Variants in SLC38A4 observed in about 807,000 individuals in gnomAD.
SLC38A4 encodes the protein sodium-coupled neutral amino acid transporter 4.
SLC38A4 carries 20 observed loss-of-function variants against 63.1 expected under a neutral mutation model. The ratio of observed to expected loss-of-function variants is 0.32; its 90% CI spans 0.22 to 0.46. The LOEUF is 0.46. SLC38A4 is among the 20% of genes least tolerant of loss of function. The pLI, the probability that SLC38A4 is intolerant of heterozygous loss-of-function variation, is 1.00. For missense variants in SLC38A4, 526 were observed against 663.6 expected, an observed-to-expected ratio of 0.79 and a Z score of 2.28; for synonymous variants, 230 against 225.5, an observed-to-expected ratio of 1.02 and a Z score of -0.18.
At chr12:46,812,996 T>A (rs1374513562) in intron 1 of SLC38A4, among the ~76,000 whole-genome samples, 1 of 152,032 alleles carries the variant, frequency 6.6e-6, no homozygotes, top group Non-Finnish European at 1.5e-5. Context: ...TTTTAATCAA[T>A]TAGTCAATTA....
At chr12:46,775,024 T>C in intron 14 of SLC38A4, 25 bp downstream of exon 14, 1 of 1,608,580 alleles carries the variant, frequency 6.2e-7, no homozygotes. Context: ...AGTAGGTTTC[T>C]TTCATCAAAG....
intron 1 of SLC38A4, among the ~76,000 whole-genome samples, chr12:46,817,648 G>C (rs867795114): frequency 4.0e-5 from 6 of 151,836 alleles, no homozygotes; most frequent in Middle Eastern, 3.4e-3. Context: ...TAAGCCTTTG[G>C]ACAAAAGGAT....
intron 14 of SLC38A4, 85 bp from the exon 15 acceptor site, chr12:46,769,513 A>AT (rs1259702653): frequency 1.3e-5 from 18 of 1,391,808 alleles, no homozygotes; most frequent in Non-Finnish European, 1.7e-5. Flanking sequence ...ACTCTAATGC[A>AT]TTTTCTTTCC....
chr12:46,832,003 A>C (rs1939738377), intron 1 of SLC38A4, among the ~76,000 whole-genome samples: 1 of 152,144 alleles, frequency 6.6e-6, no homozygotes, highest in South Asian at 2.1e-4. Context: ...TTCTCCTTGA[A>C]AAGAAGTCAC....
intron 1 of SLC38A4, among the ~76,000 whole-genome samples, chr12:46,824,586 T>C (rs1939610312): frequency 6.6e-6 from 1 of 152,136 alleles, no homozygotes; most frequent in Non-Finnish European, 1.5e-5. Flanking sequence ...ACGACCAAAC[T>C]ATCCATCTAC....
At chr12:46,828,468 C>T (rs964654425), upstream of SLC38A4, among the ~76,000 whole-genome samples, 6 of 152,000 alleles carry the variant, frequency 3.9e-5, no homozygotes, top group African/African-American at 1.5e-4. Flanking sequence ...ACTACAGGCG[C>T]ACGTCACCAC....
intron 1 of SLC38A4, among the ~76,000 whole-genome samples, chr12:46,804,020 T>C (rs11183618): frequency 0.14 from 21,533 of 152,004 alleles, 2,519 homozygotes; most frequent in African/African-American, 0.33. Flanking sequence ...TGAATTGAAG[T>C]CAAAGCAAAA....
upstream of SLC38A4, among the ~76,000 whole-genome samples, chr12:46,829,653 C>A (rs1939704384): frequency 6.6e-6 from 1 of 152,100 alleles, no homozygotes; most frequent in Non-Finnish European, 1.5e-5. Context: ...AGAAAAAAGT[C>A]CAGTCCTAAG....
At position 46,784,973 on chromosome 12, in the gene SLC38A4, C is replaced by T. The variant is rs919164728; in HGVS notation, c.400+131G>A. 2.9e-5 allele frequency: 24 copies of T among 825,966 alleles called. No homozygotes were observed. In the East Asian group the frequency reaches 4.3e-4, roughly 15 times the overall value. 51.2% of individuals were successfully genotyped at this position (825,966 alleles called of 1,614,324 possible). A position where few individuals can be genotyped will look rare whatever the true frequency, so the allele number is the denominator to read the frequency against. On this transcript the variant is annotated intron_variant, in intron 6 of 16. Coordinates refer to ENST00000266579, the MANE Select transcript of SLC38A4 (RefSeq NM_018018.5). The stretch of plus-strand genomic sequence containing the variant: ...CAAACAACTATAAACACTGAGAGAT[C>T]GTGTCACTGGGCTCAGAAGAAAATG...
At chr12:46,787,098 A>T (rs77777887) in intron 5 of SLC38A4, among the ~76,000 whole-genome samples, 9,894 of 152,264 alleles carry the variant, frequency 0.065, 372 homozygotes, top group South Asian at 0.14. Flanking sequence ...CAACTACCAG[A>T]TGCTGCTACC....
At chr12:46,819,512 G>T (rs994294626) in intron 1 of SLC38A4, among the ~76,000 whole-genome samples, 2 of 151,878 alleles carry the variant, frequency 1.3e-5, no homozygotes, top group Non-Finnish European at 2.9e-5. Flanking sequence ...TATTTAAGAT[G>T]TGATGATATT....
At chr12:46,792,611 G>T (rs538128722) in intron 3 of SLC38A4, among the ~76,000 whole-genome samples, 1 of 152,176 alleles carries the variant, frequency 6.6e-6, no homozygotes, top group African/African-American at 2.4e-5. Context: ...TTGCCCAGAG[G>T]ATACTTTTAG....
Position 46,766,517 on chromosome 12 carries a change from A to C in SLC38A4, c.*184T>G, listed in dbSNP as rs1433081136. 1 of 679,028 alleles carries C rather than the reference A, an allele frequency of 1.5e-6. No individual in the cohort carries two copies. Among genetic ancestry groups the C allele is most frequent in the Admixed American group, 2.0e-5 (1 of 49,214 alleles). The allele number at this position is 679,028 out of a possible 1,614,324, so 42.1% of individuals were successfully genotyped here. ...CAGGTTTTATTTTAAACACATACAC[A>C]ACCATCCTTGACAAAAACAGTGATT... On this transcript the variant is annotated 3_prime_UTR_variant, in exon 17 of 17. Transcript: ENST00000266579.
intron 1 of SLC38A4, among the ~76,000 whole-genome samples, chr12:46,810,060 T>G (rs1939309322): frequency 6.6e-6 from 1 of 151,986 alleles, no homozygotes; most frequent in Non-Finnish European, 1.5e-5. Context: ...AGTTGATGGG[T>G]CCTGCTATAT....
chr12:46,817,396 C>T (rs1555173177), intron 1 of SLC38A4, among the ~76,000 whole-genome samples: 1 of 151,448 alleles, frequency 6.6e-6, no homozygotes, highest in African/African-American at 2.4e-5. Context: ...ACAGGACTCA[C>T]TAGATGCTTG....
Position 46,779,844 on chromosome 12 carries a change from G to T in SLC38A4, c.594C>A (p.Gly198=). Residue 198 remains glycine, a synonymous_variant, in exon 9 of 17, where the codon GGC becomes GGA. Transcript: ENST00000266579. ...CAGACACAAATATGATGAGGTAGTT[G>T]CCATTGAGGTACCATTCTCTAGAAG... ...EENTGEWYLN[G]NYLIIFVSVG... 1.2e-6 allele frequency: 2 copies of T among 1,612,220 alleles called. No homozygotes were observed. The highest frequency in any genetic ancestry group is 1.7e-6 in the Non-Finnish European group (2 of 1,179,044).
At chr12:46,786,932 A>G (rs982026543) in intron 5 of SLC38A4, among the ~76,000 whole-genome samples, 1 of 152,234 alleles carries the variant, frequency 6.6e-6, no homozygotes, top group Non-Finnish European at 1.5e-5. Context: ...ATTTGGGATT[A>G]GGATCTGTGT....
At chr12:46,799,568 G>T (rs892063061) in intron 2 of SLC38A4, among the ~76,000 whole-genome samples, 19 of 152,220 alleles carry the variant, frequency 1.2e-4, no homozygotes, top group African/African-American at 4.6e-4. Context: ...CTGCATTCCA[G>T]CCTGGGCAAC....
chr12:46,769,055 T>C (rs1938357585), intron 15 of SLC38A4, among the ~76,000 whole-genome samples: 1 of 152,058 alleles, frequency 6.6e-6, no homozygotes, highest in Non-Finnish European at 1.5e-5. Context: ...GTCAGTTTCC[T>C]CATCTATCAG....
Sources: gnomAD v4.1 joint callset for allele counts (sites outside exome capture counted in the v4.1 genomes callset) on GRCh38, gnomAD v4.1.1 for gene constraint, MANE v1.5 for transcripts, NCBI Gene and HGNC (gene_info 2026-07-23, HGNC 2026-07-21) for gene names.